Variants in MIS12 observed in about 807,000 individuals in gnomAD.
MIS12 encodes protein MIS12 homolog.
MIS12 carries 13 observed loss-of-function variants against 16.5 expected under a neutral mutation model. The observed-to-expected ratio is 0.79, with a 90% confidence interval of 0.51 to 1.25. MIS12 has a LOEUF of 1.25. MIS12 is among the 50% of genes most tolerant of loss of function. The pLI, the probability that MIS12 is intolerant of heterozygous loss-of-function variation, is 0.00. For missense variants in MIS12, 199 were observed against 239.5 expected, an observed-to-expected ratio of 0.83 and a Z score of 1.12; for synonymous variants, 97 against 87.3, an observed-to-expected ratio of 1.11 and a Z score of -0.62.
chr17:5,486,430 G>C (rs1383390522), upstream of MIS12: 7 of 369,582 alleles, frequency 1.9e-5, no homozygotes, highest in Non-Finnish European at 3.4e-5. Flanking sequence ...AGTAAGTACA[G>C]GTTCCTTCTG....
Position 5,489,263 on chromosome 17 carries a change from C to G in MIS12, c.401C>G (p.Thr134Ser), listed in dbSNP as rs1046139106. The change falls in exon 3 of 3, where the codon ACT becomes AGT. Residue 134 changes from threonine (T) to serine (S), a missense_variant. Physicochemically the swap from Thr to Ser is moderately conservative, Grantham distance 58. Transcript: ENST00000611091. ...LQEKYKTELCTKQALLAELEE... is the reference protein window; with the variant it reads ...LQEKYKTELCSKQALLAELEE... ...GAGAAGTACAAGACTGAATTATGTACTAAGCAGGCCCTTCTTGCAGAATTA... is the reference window on the plus strand; with the variant it reads ...GAGAAGTACAAGACTGAATTATGTAGTAAGCAGGCCCTTCTTGCAGAATTA... 1 of 1,614,086 alleles carries G rather than the reference C, an allele frequency of 6.2e-7. No individual in the cohort carries two copies. The highest frequency in any genetic ancestry group is 1.3e-5 in the African/African-American group (1 of 75,022).
Position 5,489,825 on chromosome 17 carries a change from G to A in MIS12, c.*345G>A, listed in dbSNP as rs1057371364. 9 of 195,106 alleles carry A rather than the reference G, an allele frequency of 4.6e-5. No homozygotes were observed. Among genetic ancestry groups the A allele is most frequent in the African/African-American group, 1.9e-4 (8 of 42,514 alleles). The allele number at this position is 195,106 out of a possible 1,614,324, so 12.1% of individuals were successfully genotyped here. A position where few individuals can be genotyped will look rare whatever the true frequency, so the allele number is the denominator to read the frequency against. On this transcript the variant is annotated 3_prime_UTR_variant, in exon 3 of 3. Coordinates refer to ENST00000611091, the MANE Select transcript of MIS12 (RefSeq NM_001258217.2). Reference sequence around the variant, plus strand: ...TTATTTTGGCTTACTCTTTGGATGAGACCAGACAAGAAAAGGATTAAACGG... The same window carrying A: ...TTATTTTGGCTTACTCTTTGGATGAAACCAGACAAGAAAAGGATTAAACGG...
In MIS12 at chr17:5,489,126, G is replaced by C; in HGVS notation, c.264G>C (p.Gln88His). ...GCAAAATGGAGCAACTGTTTTTGCA[G>C]CTGATTTTACGTATTCCCTCAAACA... Reference protein sequence around the residue: ...LFSKMEQLFLQLILRIPSNIL... With the variant: ...LFSKMEQLFLHLILRIPSNIL... The change falls in exon 3 of 3, where the codon CAG becomes CAC. Residue 88 changes from glutamine (Q) to histidine (H), a missense_variant. By Grantham distance (24) the Gln-to-His change is conservative (BLOSUM62 0). Transcript: ENST00000611091. 1 of 1,614,228 alleles carries C rather than the reference G, an allele frequency of 6.2e-7. No homozygotes were observed. Among genetic ancestry groups the C allele is most frequent in the African/African-American group, 1.3e-5 (1 of 75,054 alleles).
rs1906628668 is a variant in MIS12 at position 5,489,538 on chromosome 17, A to C, written c.*58A>C. The C allele has an allele frequency of 6.6e-7, 1 of 1,513,038 alleles. No individual in the cohort carries two copies. 93.7% of individuals were successfully genotyped at this position (1,513,038 alleles called of 1,614,324 possible). A position where few individuals can be genotyped will look rare whatever the true frequency, so the allele number is the denominator to read the frequency against. ...AAAGTAGAATCATAAGGACTGTTCA[A>C]ACCATAAGGACTGTTCAAATCATAC... is the stretch of plus-strand genomic sequence containing the variant. On this transcript the variant is annotated 3_prime_UTR_variant, in exon 3 of 3. Coordinates refer to ENST00000611091, the MANE Select transcript of MIS12 (RefSeq NM_001258217.2).
chr17:5,486,375 T>C (rs1362578909), upstream of MIS12: 4 of 406,920 alleles, frequency 9.8e-6, no homozygotes, highest in Admixed American at 4.3e-5. Context: ...CAGCGCCCCA[T>C]CTCCCCACCC....
rs1906517353 is a variant in MIS12, at chr17:5,488,236, A to G, written c.-394A>G. 1 of 152,262 alleles carries G rather than the reference A, an allele frequency of 6.6e-6. No individual in the cohort carries two copies. Among genetic ancestry groups the G allele is most frequent in the South Asian group, 2.1e-4 (1 of 4,832 alleles). 9.4% of individuals were successfully genotyped at this position (152,262 alleles called of 1,614,324 possible). A position where few individuals can be genotyped will look rare whatever the true frequency, so the allele number is the denominator to read the frequency against. ...GACAAGCAAATTGAGGACATTGGCA[A>G]CGGAGTGATCAAAATGATAGATCAT... On this transcript the variant is annotated 5_prime_UTR_variant, in exon 2 of 3. Coordinates refer to ENST00000611091, the MANE Select transcript of MIS12 (RefSeq NM_001258217.2).
intron 2 of MIS12, 99 bp downstream of exon 2, chr17:5,488,688 C>T: frequency 3.0e-6 from 2 of 656,646 alleles, no homozygotes; most frequent in Non-Finnish European, 5.0e-6. Flanking sequence ...GTGGGAGTGG[C>T]ATCAGGTATA....
In MIS12 at chr17:5,489,528, G is replaced by C. The variant is rs758189056; in HGVS notation, c.*48G>C. ...AGCCTGTCAAAAAGTAGAATCATAA[G>C]GACTGTTCAAACCATAAGGACTGTT... is the stretch of plus-strand genomic sequence containing the variant. On this transcript the variant is annotated 3_prime_UTR_variant, in exon 3 of 3. Coordinates refer to ENST00000611091, the MANE Select transcript of MIS12 (RefSeq NM_001258217.2). The C allele has an allele frequency of 6.5e-7, 1 of 1,533,942 alleles. No individual in the cohort carries two copies. Among genetic ancestry groups the C allele is most frequent in the Non-Finnish European group, 8.7e-7 (1 of 1,146,182 alleles).
At chr17:5,488,780 ATTT>A (rs371541111) in intron 2 of MIS12, 40 bp from the exon 3 acceptor site, 1 of 1,349,350 alleles carries the variant, frequency 7.4e-7, no homozygotes, top group African/African-American at 1.5e-5. Context: ...CCTGCAGAAG[ATTT>A]TTTTTTTCCA....
At chr17:5,487,904 T>A (rs540873839) in intron 1 of MIS12, among the ~76,000 whole-genome samples, 61 of 152,360 alleles carry the variant, frequency 4.0e-4, no homozygotes, top group African/African-American at 1.5e-3. Flanking sequence ...TATTGCAAAT[T>A]ATTTCATAAA....
In MIS12 at chr17:5,489,310, G is replaced by T. The variant is rs774935778; in HGVS notation, c.448G>T (p.Ala150Ser). The T allele has an allele frequency of 8.1e-5, 130 of 1,613,830 alleles. No individual in the cohort carries two copies. Among genetic ancestry groups the T allele is most frequent in the Non-Finnish European group, 9.9e-5 (117 of 1,180,032 alleles). Residue 150 changes from alanine to serine, a missense_variant, in exon 3 of 3, where the codon GCC (alanine) becomes TCC (serine). Physicochemically the swap from Ala to Ser is moderately conservative, Grantham distance 99. Coordinates refer to ENST00000611091, the MANE Select transcript of MIS12 (RefSeq NM_001258217.2). ...AELEEQKIVQ[A>S]KLKQTLTFFD... is the part of the protein sequence containing the mutation. ...ATTAGAAGAGCAAAAAATTGTTCAG[G>T]CCAAACTCAAACAGACGTTGACTTT...
At chr17:5,488,019 T>G (rs1244657112) in intron 1 of MIS12, among the ~76,000 whole-genome samples, 177 bp from the exon 2 acceptor site, 4 of 152,204 alleles carry the variant, frequency 2.6e-5, no homozygotes, top group Non-Finnish European at 1.5e-5. Flanking sequence ...ACAAGCAATA[T>G]CATTTCATCT....
intron 1 of MIS12, chr17:5,487,224 A>G (rs1377742203): frequency 6.6e-6 from 1 of 152,270 alleles, no homozygotes; most frequent in East Asian, 1.9e-4. Context: ...AGATCATACC[A>G]CTGTACTCCA....
rs1488057039 is a variant in MIS12, at chr17:5,489,354, T to C, written c.492T>C (p.Asn164=). The part of the protein sequence containing the change: ...QTLTFFDELH[N]VGRDHGTSDF... Reference sequence around the variant, plus strand: ...TGACTTTCTTTGATGAGCTTCATAATGTTGGCAGAGATCATGGGACTAGTG... The same window carrying C: ...TGACTTTCTTTGATGAGCTTCATAACGTTGGCAGAGATCATGGGACTAGTG... Residue 164 remains asparagine, a synonymous_variant, in exon 3 of 3, where the codon AAT becomes AAC. Coordinates refer to ENST00000611091, the MANE Select transcript of MIS12 (RefSeq NM_001258217.2). 1 of 1,614,110 alleles carries C rather than the reference T, an allele frequency of 6.2e-7. No individual in the cohort carries two copies. Among genetic ancestry groups the C allele is most frequent in the Admixed American group, 1.7e-5 (1 of 60,026 alleles).
Position 5,490,392 on chromosome 17 carries a change from C to T in MIS12, c.*912C>T, listed in dbSNP as rs1480701215. The T allele has an allele frequency of 6.0e-6, 1 of 167,068 alleles. No individual in the cohort carries two copies. The highest frequency in any genetic ancestry group is 2.4e-5 in the African/African-American group (1 of 41,448). The allele number at this position is 167,068 out of a possible 1,614,324, so 10.3% of individuals were successfully genotyped here. A position where few individuals can be genotyped will look rare whatever the true frequency, so the allele number is the denominator to read the frequency against. ...TACTCAGTAGTGAAATTTAATTTTA[C>T]TGACTGTTAGGTATCTATGCCAATT... On this transcript the variant is annotated 3_prime_UTR_variant, in exon 3 of 3. Coordinates refer to ENST00000611091, the MANE Select transcript of MIS12 (RefSeq NM_001258217.2).
rs1274858593 is a variant in MIS12 at position 5,486,703 on chromosome 17, C to T, written c.-435+19C>T. On this transcript the variant is annotated intron_variant, in intron 1 of 2. Coordinates refer to ENST00000611091, the MANE Select transcript of MIS12 (RefSeq NM_001258217.2). ...CGCTCCGGTAAGTGCTGCGGGGCAG[C>T]ATTTTCTCTGAGGAGGAGCGGGGAC... The T allele has an allele frequency of 1.3e-5, 2 of 152,868 alleles. No homozygotes were observed. The highest frequency in any genetic ancestry group is 1.5e-5 in the Non-Finnish European group (1 of 68,194). The allele number at this position is 152,868 out of a possible 1,614,324, so 9.5% of individuals were successfully genotyped here. A position where few individuals can be genotyped will look rare whatever the true frequency, so the allele number is the denominator to read the frequency against.
Position 5,488,976 on chromosome 17 carries a change from C to G in MIS12, c.114C>G (p.Ala38=), listed in dbSNP as rs752989326. 10 of 1,614,062 alleles carry G rather than the reference C, an allele frequency of 6.2e-6. No homozygotes were observed. The highest frequency in any genetic ancestry group is 6.8e-6 in the Non-Finnish European group (8 of 1,180,054). Residue 38 remains alanine (A), a synonymous_variant, in exon 3 of 3, where the codon GCC becomes GCG. Transcript: ENST00000611091. The part of the protein sequence containing the change: ...FQDYLFEVMQ[A]VEQVILKKLD... ...ACTACCTATTTGAAGTGATGCAGGC[C>G]GTTGAACAGGTTATTCTGAAGAAGC...
At position 5,489,192 on chromosome 17, in the gene MIS12, T is replaced by C; in HGVS notation, c.330T>C (p.Ser110=). The change falls in exon 3 of 3, where the codon AGT becomes AGC. Residue 110 remains serine, a synonymous_variant. Transcript: ENST00000611091. ...ATAAATGTAAGGAGACACCTTATAG[T>C]GAGGAAGATTTTCAGCATCTCCAGA... ...PEDKCKETPY[S]EEDFQHLQKE... 6.2e-7 allele frequency: 1 copy of C among 1,614,172 alleles called. No homozygotes were observed. Among genetic ancestry groups the C allele is most frequent in the Non-Finnish European group, 8.5e-7 (1 of 1,180,026 alleles).
chr17:5,489,555 A>G lies in MIS12; in HGVS notation c.*75A>G, dbSNP rs1246116710. 2 of 1,433,692 alleles carry G rather than the reference A, an allele frequency of 1.4e-6. No homozygotes were observed. Among genetic ancestry groups the G allele is most frequent in the Admixed American group, 4.8e-5 (2 of 41,516 alleles). 88.8% of individuals were successfully genotyped at this position (1,433,692 alleles called of 1,614,324 possible). On this transcript the variant is annotated 3_prime_UTR_variant, in exon 3 of 3. Transcript: ENST00000611091. Reference sequence around the variant, plus strand: ...ACTGTTCAAACCATAAGGACTGTTCAAATCATACCAGTGACTGTTCAAACC... The same window carrying G: ...ACTGTTCAAACCATAAGGACTGTTCGAATCATACCAGTGACTGTTCAAACC...
Sources: allele counts gnomAD v4.1 joint callset (sites outside exome capture counted in the v4.1 genomes callset), GRCh38; gene constraint gnomAD v4.1.1; transcripts MANE v1.5; gene names NCBI Gene and HGNC (gene_info 2026-07-23, HGNC 2026-07-21).